Variants in PARVA observed in about 807,000 individuals in gnomAD.
PARVA encodes alpha-parvin.
Under a neutral mutation model 52.6 loss-of-function variants are expected in PARVA, and 25 were observed. The ratio of observed to expected loss-of-function variants is 0.48; its 90% CI spans 0.35 to 0.66. The LOEUF (loss-of-function observed/expected upper bound fraction) is 0.66, where lower values mean the gene tolerates loss of function less well. Ranked by LOEUF, PARVA falls within the 30% of genes least tolerant of loss-of-function variation. PARVA has a pLI of 0.01. For missense variants in PARVA, 373 were observed against 450.9 expected (o/e 0.83, Z 1.56); for synonymous variants, 185 against 179.1 (o/e 1.03, Z -0.26).
chr11:12,405,512 C>G (rs185600108), intron 1 of PARVA, among the ~76,000 whole-genome samples: 262 of 152,116 alleles, frequency 1.7e-3, no homozygotes, highest in African/African-American at 6.0e-3. Flanking sequence ...TGCAGTGAGC[C>G]GTGAGTCCAC....
At chr11:12,471,187 G>C (rs1459346137) in intron 1 of PARVA, among the ~76,000 whole-genome samples, 2 of 152,190 alleles carry the variant, frequency 1.3e-5, no homozygotes, top group Non-Finnish European at 2.9e-5. Flanking sequence ...GTGGGTATGA[G>C]GGTGTTGAGA....
intron 1 of PARVA, among the ~76,000 whole-genome samples, chr11:12,396,648 C>T (rs973317697): frequency 3.9e-5 from 6 of 152,220 alleles, no homozygotes; most frequent in African/African-American, 1.2e-4. Context: ...GGATCCCCTG[C>T]CAGGCATTGC....
At position 12,453,094 on chromosome 11, in the gene PARVA, C is replaced by T. The variant is rs117943999; in HGVS notation, c.137-20651C>T. ...TGGGAGCGATTCTTTGTTGGGGGGG[C>T]GCCCTGGCCACCTCCCAGCTCGTCT... is the stretch of plus-strand genomic sequence containing the variant. On this transcript the variant is annotated intron_variant, in intron 1 of 12. Transcript: ENST00000334956. 2.4e-3 allele frequency: 1,081 copies of T among 445,688 alleles called. 27 individuals are homozygous for T. The East Asian group carries it at 0.06, about 25-fold the overall frequency. 27.6% of individuals were successfully genotyped at this position (445,688 alleles called of 1,614,324 possible). A position where few individuals can be genotyped will look rare whatever the true frequency, so the allele number is the denominator to read the frequency against.
chr11:12,429,929 CA>C (rs1940292778), intron 1 of PARVA, among the ~76,000 whole-genome samples: 1 of 152,178 alleles, frequency 6.6e-6, no homozygotes, highest in South Asian at 2.1e-4. Flanking sequence ...GATCGTATAA[CA>C]GTTTTAAATA....
chr11:12,521,969 C>G (rs534154290), intron 12 of PARVA, among the ~76,000 whole-genome samples: 1 of 152,294 alleles, frequency 6.6e-6, no homozygotes, highest in South Asian at 2.1e-4. Context: ...GATTTTATCT[C>G]AGTGAGATGG....
intron 12 of PARVA, among the ~76,000 whole-genome samples, chr11:12,522,801 AACAG>A (rs202007309): frequency 0.016 from 2,385 of 152,092 alleles, 30 homozygotes; most frequent in African/African-American, 0.045. Flanking sequence ...AAAAAAAAAA[AACAG>A]ACAGCTCATG....
chr11:12,511,891 C>G (rs1005956249), intron 8 of PARVA, among the ~76,000 whole-genome samples: 2 of 152,114 alleles, frequency 1.3e-5, no homozygotes, highest in East Asian at 3.8e-4. Context: ...CACTTAACTC[C>G]GAGTTTATTA....
intron 1 of PARVA, among the ~76,000 whole-genome samples, chr11:12,472,099 G>A (rs1276380027): frequency 6.6e-6 from 1 of 152,204 alleles, no homozygotes; most frequent in African/African-American, 2.4e-5. Flanking sequence ...AACACAATCT[G>A]TACCTACAGA....
intron 1 of PARVA, among the ~76,000 whole-genome samples, chr11:12,394,020 A>G (rs1206307526): frequency 2.0e-5 from 3 of 152,248 alleles, no homozygotes; most frequent in African/African-American, 7.2e-5. Flanking sequence ...AAAAACCAAT[A>G]TTAATCAAGT....
chr11:12,453,395 G>A (rs1265612761), intron 1 of PARVA, among the ~76,000 whole-genome samples: 1 of 152,106 alleles, frequency 6.6e-6, no homozygotes, highest in East Asian at 1.9e-4. Flanking sequence ...AAGAAGCTTT[G>A]GGCCTTTGTG....
intron 1 of PARVA, among the ~76,000 whole-genome samples, chr11:12,393,044 GAAAAAAAAAA>G (rs60966710): frequency 7.8e-4 from 36 of 46,168 alleles, no homozygotes; most frequent in African/African-American, 1.5e-3. Context: ...CCCAAATTGT[GAAAAAAAAAA>G]AAAAAAAAAA....
At chr11:12,496,315 G>C (rs1941297279) in intron 4 of PARVA, 143 bp from the exon 5 acceptor site, 5 of 536,544 alleles carry the variant, frequency 9.3e-6, no homozygotes. Context: ...GTGTCCCTCT[G>C]CTGGTAGGCA....
chr11:12,451,604 TTTAA>T, intron 1 of PARVA, among the ~76,000 whole-genome samples: 1 of 152,340 alleles, frequency 6.6e-6, no homozygotes, highest in Non-Finnish European at 1.5e-5. Flanking sequence ...CATTACATGC[TTTAA>T]TTAAATTTCC....
chr11:12,415,831 G>A (rs1182086501), intron 1 of PARVA, among the ~76,000 whole-genome samples: 1 of 152,104 alleles, frequency 6.6e-6, no homozygotes, highest in East Asian at 1.9e-4. Context: ...TACTTTTTCA[G>A]CCCAATTTTA....
intron 1 of PARVA, among the ~76,000 whole-genome samples, chr11:12,421,697 G>T (rs1351889763): frequency 6.6e-6 from 1 of 152,180 alleles, no homozygotes; most frequent in Admixed American, 6.5e-5. Context: ...TTTAGTTATT[G>T]ATGTGTTTCA....
chr11:12,478,136 G>T, intron 4 of PARVA, 187 bp downstream of exon 4: 1 of 682,042 alleles, frequency 1.5e-6, no homozygotes, highest in East Asian at 2.8e-5. Flanking sequence ...TCATATGAAT[G>T]AATTGTAGAG....
chr11:12,427,467 C>A (rs923416806), intron 1 of PARVA, among the ~76,000 whole-genome samples: 1 of 152,096 alleles, frequency 6.6e-6, no homozygotes, highest in African/African-American at 2.4e-5. Context: ...CTATTTTAGC[C>A]CAAATCAACA....
intron 1 of PARVA, among the ~76,000 whole-genome samples, chr11:12,455,328 C>T (rs778667031): frequency 7.2e-5 from 11 of 152,246 alleles, no homozygotes; most frequent in Middle Eastern, 3.4e-3. Flanking sequence ...AGATACATTT[C>T]GATTTAGAAA....
chr11:12,517,580 G>A (rs1160098378), intron 10 of PARVA, 30 bp from the exon 11 acceptor site: 4 of 1,492,014 alleles, frequency 2.7e-6, no homozygotes, highest in Non-Finnish European at 3.7e-6. Flanking sequence ...AGGCTCAGGG[G>A]CCAGTGCCAT....
Sources: allele counts gnomAD v4.1 joint callset (sites outside exome capture counted in the v4.1 genomes callset), GRCh38; gene constraint gnomAD v4.1.1; transcripts MANE v1.5; gene names NCBI Gene and HGNC (gene_info 2026-07-23, HGNC 2026-07-21).